TAMM41: variants seen among roughly 807,000 people sequenced by gnomAD.
The protein encoded by TAMM41 is TAM41 mitochondrial translocator assembly and maintenance homolog.
A neutral mutation model predicts 44.1 loss-of-function variants in TAMM41; 36 were observed. That is an observed-to-expected ratio of 0.82 (90% CI 0.63 to 1.08). The LOEUF (loss-of-function observed/expected upper bound fraction) is 1.08, where lower values mean the gene tolerates loss of function less well. TAMM41 is among the 50% of genes least tolerant of loss of function. The pLI, the probability that TAMM41 is intolerant of heterozygous loss-of-function variation, is 0.00. For missense variants in TAMM41, 417 were observed against 404.3 expected (o/e 1.03, Z -0.27); for synonymous variants, 164 against 153.1 (o/e 1.07, Z -0.53).
Position 11,809,515 on chromosome 3 carries a change from A to T in TAMM41, c.874+2T>A. The T allele has an allele frequency of 6.2e-7, 1 of 1,613,406 alleles. No individual in the cohort carries two copies. The highest frequency in any genetic ancestry group is 2.2e-5 in the East Asian group (1 of 44,862). ...TCCTCAACATCAAATTCATAAACGT[A>T]CCTAGTCGCACCACATCTCCACAGT... On this transcript the variant is annotated splice_donor_variant, in intron 6 of 7. Coordinates refer to ENST00000455809, the MANE Select transcript of TAMM41 (RefSeq NM_001284401.2). LOFTEE classifies it high-confidence loss of function.
the TAMM41 span, among the ~76,000 whole-genome samples, chr3:11,772,914 C>T: frequency 1.3e-5 from 2 of 152,214 alleles, no homozygotes; most frequent in South Asian, 4.2e-4. Flanking sequence ...AAGTAACTTG[C>T]CTGCTGTCAC....
At chr3:11,769,301 A>G in the TAMM41 span, among the ~76,000 whole-genome samples, 2 of 151,350 alleles carry the variant, frequency 1.3e-5, no homozygotes, top group East Asian at 2.0e-4. Flanking sequence ...TGTTGGCCAG[A>G]CTTGTCTTGA....
the TAMM41 span, among the ~76,000 whole-genome samples, chr3:11,742,487 G>A: frequency 3.3e-5 from 5 of 150,028 alleles, no homozygotes; most frequent in Non-Finnish European, 7.4e-5. Context: ...AACCACTCAC[G>A]TGCTCACAGA....
At chr3:11,804,142 G>C (rs1014267212) in intron 7 of TAMM41, among the ~76,000 whole-genome samples, 2 of 152,304 alleles carry the variant, frequency 1.3e-5, no homozygotes. Context: ...GCACTCCAGG[G>C]CCACAAGGAC....
intron 5 of TAMM41, among the ~76,000 whole-genome samples, chr3:11,812,297 G>A (rs1575639513): frequency 6.6e-6 from 1 of 152,204 alleles, no homozygotes; most frequent in African/African-American, 2.4e-5. Flanking sequence ...AGCACCACCT[G>A]TAGACCTAAA....
intron 7 of TAMM41, among the ~76,000 whole-genome samples, chr3:11,792,653 G>C (rs2124912243): frequency 6.6e-6 from 1 of 152,268 alleles, no homozygotes; most frequent in African/African-American, 2.4e-5. Context: ...TAAATTTCAT[G>C]ATTTTGGAAT....
the TAMM41 span, among the ~76,000 whole-genome samples, chr3:11,770,175 T>C: frequency 6.6e-6 from 1 of 152,210 alleles, no homozygotes; most frequent in Admixed American, 6.5e-5. Context: ...TCTTCTGGCC[T>C]CTGTGGGGCT....
At chr3:11,789,709 G>A (rs1012092985), downstream of TAMM41, among the ~76,000 whole-genome samples, 1 of 152,190 alleles carries the variant, frequency 6.6e-6, no homozygotes, top group African/African-American at 2.4e-5. Flanking sequence ...CTGTTGGGAA[G>A]GTTTCTTGCT....
downstream of TAMM41, among the ~76,000 whole-genome samples, chr3:11,788,988 G>A (rs1051338738): frequency 6.6e-6 from 1 of 151,972 alleles, no homozygotes; most frequent in Non-Finnish European, 1.5e-5. Flanking sequence ...AAAAGAAAAA[G>A]AAAATAATAA....
chr3:11,743,870 A>C, the TAMM41 span, among the ~76,000 whole-genome samples: 2 of 152,012 alleles, frequency 1.3e-5, no homozygotes, highest in African/African-American at 4.8e-5. Context: ...GGAACTGCAG[A>C]CCTAGTATCC....
chr3:11,752,797 T>C, the TAMM41 span, among the ~76,000 whole-genome samples: 1 of 151,904 alleles, frequency 6.6e-6, no homozygotes, highest in African/African-American at 2.4e-5. Context: ...TATAGGCGCA[T>C]GCCACCATGG....
the TAMM41 span, among the ~76,000 whole-genome samples, chr3:11,737,882 T>C: frequency 3.3e-5 from 5 of 152,218 alleles, no homozygotes; most frequent in Admixed American, 3.3e-4. Context: ...GTGGTTTTCT[T>C]ATTGCCATGG....
chr3:11,833,141 G>A (rs2079049760), intron 3 of TAMM41: 6 of 1,284,666 alleles, frequency 4.7e-6, no homozygotes, highest in South Asian at 2.5e-5. Flanking sequence ...TTGGGACACT[G>A]CCAGAGAGGC....
the TAMM41 span, among the ~76,000 whole-genome samples, chr3:11,728,605 G>A: frequency 3.2e-4 from 49 of 152,302 alleles, no homozygotes; most frequent in African/African-American, 9.9e-4. Flanking sequence ...TGGGGTCCAC[G>A]ATGGGCCCAT....
chr3:11,825,699 G>A (rs772418922), intron 4 of TAMM41, among the ~76,000 whole-genome samples: 10 of 152,148 alleles, frequency 6.6e-5, no homozygotes, highest in Non-Finnish European at 1.3e-4. Context: ...GAGAGTGCCC[G>A]AAAGTGTTTT....
Position 11,809,767 on chromosome 3 carries a change from A to G in TAMM41, c.709-85T>C. Reference sequence around the variant, plus strand: ...CAAAACTCAGGGCTTCTCTTTAAAAATCACACAAACATATATGCACCCACA... The same window carrying G: ...CAAAACTCAGGGCTTCTCTTTAAAAGTCACACAAACATATATGCACCCACA... On this transcript the variant is annotated intron_variant, in intron 5 of 7. Transcript: ENST00000455809. The G allele has an allele frequency of 2.8e-6, 4 of 1,435,422 alleles. No individual in the cohort carries two copies. The South Asian group carries it at 5.3e-5, about 19-fold the overall frequency. The allele number at this position is 1,435,422 out of a possible 1,614,324, so 88.9% of individuals were successfully genotyped here. A position where few individuals can be genotyped will look rare whatever the true frequency, so the allele number is the denominator to read the frequency against.
At chr3:11,797,663 C>T (rs951513180) in intron 7 of TAMM41, among the ~76,000 whole-genome samples, 4 of 152,158 alleles carry the variant, frequency 2.6e-5, no homozygotes, top group African/African-American at 4.8e-5. Flanking sequence ...TAAAGAGCTT[C>T]TGCGCAGCAA....
chr3:11,844,894 A>G, intron 1 of TAMM41: 1 of 456,346 alleles, frequency 2.2e-6, no homozygotes, highest in East Asian at 6.9e-5. Context: ...TACTAACTGC[A>G]CTCAGCATAG....
the TAMM41 span, among the ~76,000 whole-genome samples, chr3:11,732,533 A>G: frequency 6.6e-6 from 1 of 152,238 alleles, no homozygotes; most frequent in Non-Finnish European, 1.5e-5. Flanking sequence ...AAGTTAACAT[A>G]AAAGAGATCA....
Sources: gnomAD v4.1 joint callset for allele counts (sites outside exome capture counted in the v4.1 genomes callset) on GRCh38, gnomAD v4.1.1 for gene constraint, MANE v1.5 for transcripts, NCBI Gene and HGNC (gene_info 2026-07-23, HGNC 2026-07-21) for gene names.